PLCB1: variants seen among roughly 807,000 people sequenced by gnomAD.
The protein encoded by PLCB1 is phospholipase C beta 1.
PLCB1 carries 46 observed loss-of-function variants against 161.8 expected under a neutral mutation model. The ratio of observed to expected loss-of-function variants is 0.28; its 90% confidence interval spans 0.22 to 0.36. PLCB1 has a LOEUF of 0.36. Ranked by LOEUF, PLCB1 falls within the 10% of genes least tolerant of loss-of-function variation. The pLI is 1.00. For synonymous variants in PLCB1, 517 were observed against 503.7 expected, an observed-to-expected ratio of 1.03 and a Z score of -0.35; for missense variants, 1,016 against 1,472.5, an observed-to-expected ratio of 0.69 and a Z score of 5.07.
intron 23 of PLCB1, among the ~76,000 whole-genome samples, chr20:8,753,203 TG>T (rs1981573786): frequency 6.6e-6 from 1 of 152,180 alleles, no homozygotes; most frequent in Non-Finnish European, 1.5e-5. Context: ...TTCTACATTA[TG>T]GTGAGTTGTA....
rs978161914 is a variant in PLCB1 at position 8,724,636 on chromosome 20, T to G, written c.1582-20T>G. On this transcript the variant is annotated intron_variant, in intron 15 of 31. Transcript: ENST00000338037. ...TAATGCTGACTCTGGAAATGTTTTC[T>G]TTTTTATTCCTACTTCCAGGGGACT... 3 of 1,398,298 alleles carry G rather than the reference T, an allele frequency of 2.1e-6. No homozygotes were observed. The highest frequency in any genetic ancestry group is 3.0e-6 in the Non-Finnish European group (3 of 989,494). The allele number at this position is 1,398,298 out of a possible 1,614,324, so 86.6% of individuals were successfully genotyped here.
chr20:8,846,555 G>T (rs925669398), intron 31 of PLCB1, among the ~76,000 whole-genome samples: 1 of 152,044 alleles, frequency 6.6e-6, no homozygotes, highest in East Asian at 1.9e-4. Flanking sequence ...ACTTTAAAAC[G>T]AGCTCCCAGG....
intron 4 of PLCB1, among the ~76,000 whole-genome samples, chr20:8,630,311 G>T (rs1042544744): frequency 9.2e-5 from 14 of 151,920 alleles, no homozygotes; most frequent in African/African-American, 3.1e-4. Context: ...GGTCTTGATT[G>T]TCCTGGTTTC....
intron 3 of PLCB1, among the ~76,000 whole-genome samples, chr20:8,486,272 A>AT (rs1982717536): frequency 6.6e-6 from 1 of 152,204 alleles, no homozygotes; most frequent in South Asian, 2.1e-4. Context: ...GATAAAGCAG[A>AT]TAAAAAGGCA....
In PLCB1 at chr20:8,142,158, AG is replaced by A. The variant is rs569663709; in HGVS notation, c.100-8132del. The stretch of plus-strand genomic sequence containing the variant: ...CTGGCACTGGGAGGTGCTGATGCTC[AG>A]GGGATATTTGTGGAATGAAGGAACT... On this transcript the variant is annotated intron_variant, in intron 1 of 31. Transcript: ENST00000338037. Among the ~76,000 whole-genome samples, 338 of 152,292 alleles carry A rather than the reference AG, an allele frequency of 2.2e-3. 12 individuals are homozygous for A. The South Asian group carries it at 0.068, about 31-fold the overall frequency.
At chr20:8,816,525 G>A (rs983936239) in intron 31 of PLCB1, among the ~76,000 whole-genome samples, 1 of 152,172 alleles carries the variant, frequency 6.6e-6, no homozygotes, top group Non-Finnish European at 1.5e-5. Flanking sequence ...ATACTATCAA[G>A]CCAGAGAATA....
intron 3 of PLCB1, among the ~76,000 whole-genome samples, chr20:8,421,463 A>G (rs1183429569): frequency 6.6e-6 from 1 of 152,180 alleles, no homozygotes; most frequent in African/African-American, 2.4e-5. Context: ...GCCCTATTGA[A>G]GGAGCACCCA....
intron 23 of PLCB1, among the ~76,000 whole-genome samples, chr20:8,742,139 G>T (rs756170471): frequency 6.6e-6 from 1 of 152,020 alleles, no homozygotes; most frequent in Non-Finnish European, 1.5e-5. Flanking sequence ...TTAAGGAAGG[G>T]TCTAAAAATA....
chr20:8,324,585 A>G (rs571538842), intron 2 of PLCB1, among the ~76,000 whole-genome samples: 3 of 152,330 alleles, frequency 2.0e-5, no homozygotes, highest in South Asian at 2.1e-4. Flanking sequence ...GGGGACTCCA[A>G]GGGTCCTTGG....
chr20:8,284,630 A>G (rs964503222), intron 2 of PLCB1, among the ~76,000 whole-genome samples: 2 of 152,170 alleles, frequency 1.3e-5, no homozygotes, highest in African/African-American at 4.8e-5. Context: ...TGGCAGTTCT[A>G]AGGTACTTTT....
intron 31 of PLCB1, chr20:8,802,327 T>C (rs2146240346): frequency 1.8e-6 from 1 of 558,502 alleles, no homozygotes; most frequent in East Asian, 3.1e-5. Context: ...ACACCCATGA[T>C]CATTTCCTCA....
intron 2 of PLCB1, among the ~76,000 whole-genome samples, chr20:8,186,101 T>C (rs189275200): frequency 6.6e-6 from 1 of 152,192 alleles, no homozygotes; most frequent in Non-Finnish European, 1.5e-5. Flanking sequence ...GAATTTTTTT[T>C]GAGGTGGAAA....
chr20:8,577,151 C>T (rs911296229), intron 3 of PLCB1, among the ~76,000 whole-genome samples: 4 of 151,934 alleles, frequency 2.6e-5, no homozygotes, highest in East Asian at 3.9e-4. Flanking sequence ...GTCTTGAGGC[C>T]GGATGCGGTG....
At chr20:8,465,475 A>G (rs1189869779) in intron 3 of PLCB1, among the ~76,000 whole-genome samples, 2 of 152,140 alleles carry the variant, frequency 1.3e-5, no homozygotes, top group Non-Finnish European at 2.9e-5. Context: ...TTCCAATTGT[A>G]TAAGGGATCT....
At chr20:8,542,584 G>C (rs769053495) in intron 3 of PLCB1, among the ~76,000 whole-genome samples, 1 of 152,132 alleles carries the variant, frequency 6.6e-6, no homozygotes, top group Admixed American at 6.6e-5. Flanking sequence ...TGTTGAGAGC[G>C]GGGGAGAAAA....
intron 3 of PLCB1, among the ~76,000 whole-genome samples, chr20:8,409,468 A>G (rs895582046): frequency 4.8e-5 from 7 of 145,212 alleles, no homozygotes; most frequent in African/African-American, 1.5e-4. Flanking sequence ...TATTATTGTT[A>G]TTATTAATTT....
At chr20:8,273,046 A>G (rs1982361537) in intron 2 of PLCB1, among the ~76,000 whole-genome samples, 1 of 152,304 alleles carries the variant, frequency 6.6e-6, no homozygotes, top group South Asian at 2.1e-4. Flanking sequence ...ATTAAAATGT[A>G]CCAATTCCCC....
At chr20:8,345,789 T>A (rs558402208) in intron 2 of PLCB1, among the ~76,000 whole-genome samples, 75 of 152,346 alleles carry the variant, frequency 4.9e-4, no homozygotes, top group African/African-American at 1.8e-3. Flanking sequence ...ATTCTCTTCC[T>A]AAGCTGATCC....
chr20:8,449,661 G>A (rs1033898314), intron 3 of PLCB1, among the ~76,000 whole-genome samples: 1 of 152,190 alleles, frequency 6.6e-6, no homozygotes, highest in Admixed American at 6.6e-5. Flanking sequence ...CCTAACAGGG[G>A]TGAGCCCCCC....
Sources: gnomAD v4.1 joint callset for allele counts (sites outside exome capture counted in the v4.1 genomes callset) on GRCh38, gnomAD v4.1.1 for gene constraint, MANE v1.5 for transcripts, NCBI Gene and HGNC (gene_info 2026-07-23, HGNC 2026-07-21) for gene names.